The following FGGY variants were observed in gnomAD, a reference collection of about 807,000 sequenced individuals.
The protein encoded by FGGY is FGGY carbohydrate kinase domain-containing protein.
A neutral mutation model predicts 71.3 loss-of-function variants in FGGY; 72 were observed. That is an observed-to-expected ratio of 1.01 (90% CI 0.84 to 1.23). The LOEUF (loss-of-function observed/expected upper bound fraction) is 1.23, where lower values mean the gene tolerates loss of function less well. FGGY is among the 50% of genes most tolerant of loss of function. The pLI is 0.00. For missense variants in FGGY, 668 were observed against 682.3 expected, an observed-to-expected ratio of 0.98 and a Z score of 0.23; for synonymous variants, 251 against 250.3, an observed-to-expected ratio of 1.00 and a Z score of -0.02.
chr1:59,333,883 G>T (rs1310406124), intron 2 of FGGY, among the ~76,000 whole-genome samples: 1 of 152,140 alleles, frequency 6.6e-6, no homozygotes, highest in Non-Finnish European at 1.5e-5. Flanking sequence ...TGGTACTGTG[G>T]GTCAAGGTAC....
At chr1:59,725,149 A>G (rs1319647298) in intron 14 of FGGY, among the ~76,000 whole-genome samples, 2 of 152,172 alleles carry the variant, frequency 1.3e-5, no homozygotes, top group Admixed American at 6.5e-5. Flanking sequence ...GTCTAATGTC[A>G]CTGTCTAAAT....
chr1:59,663,621 T>C (rs1572850533), intron 12 of FGGY, among the ~76,000 whole-genome samples: 1 of 152,192 alleles, frequency 6.6e-6, no homozygotes, highest in African/African-American at 2.4e-5. Flanking sequence ...ATTTATTCTG[T>C]CCATTGTCTT....
chr1:59,621,336 C>A (rs1166068935), intron 9 of FGGY, among the ~76,000 whole-genome samples: 1 of 151,834 alleles, frequency 6.6e-6, no homozygotes, highest in Non-Finnish European at 1.5e-5. Flanking sequence ...GAGAAATAAA[C>A]CATAGTCTTT....
At chr1:59,608,989 A>C (rs1360673854) in intron 9 of FGGY, among the ~76,000 whole-genome samples, 1 of 152,238 alleles carries the variant, frequency 6.6e-6, no homozygotes, top group Non-Finnish European at 1.5e-5. Context: ...GTGCTGTAAC[A>C]GAAGTACACG....
At chr1:59,663,872 C>T (rs565152491) in intron 12 of FGGY, among the ~76,000 whole-genome samples, 11 of 152,210 alleles carry the variant, frequency 7.2e-5, no homozygotes, top group South Asian at 2.1e-4. Flanking sequence ...TGAATATTGC[C>T]GGAGCACTTA....
At chr1:59,370,306 G>A (rs1198794714) in intron 4 of FGGY, among the ~76,000 whole-genome samples, 1 of 152,270 alleles carries the variant, frequency 6.6e-6, no homozygotes, top group South Asian at 2.1e-4. Flanking sequence ...CTGGAAGAAA[G>A]CGATGGAAGA....
chr1:59,507,377 C>T (rs1161771520), intron 6 of FGGY, among the ~76,000 whole-genome samples: 2 of 152,216 alleles, frequency 1.3e-5, no homozygotes, highest in Non-Finnish European at 2.9e-5. Context: ...AAACGGACAC[C>T]TTTAAGTTAA....
chr1:59,697,445 C>T (rs187434863), intron 14 of FGGY, among the ~76,000 whole-genome samples: 1 of 152,280 alleles, frequency 6.6e-6, no homozygotes, highest in East Asian at 1.9e-4. Context: ...TGGAATCATA[C>T]AGCATTTGTC....
rs575276338 is a variant in FGGY at position 59,585,615 on chromosome 1, G to T, written c.904-22188G>T. ...CATTCAGGACATAGGCATGGGCAAG[G>T]ACTTCATGTCTAAAACACCAAAAGC... On this transcript the variant is annotated intron_variant, in intron 8 of 15. Coordinates refer to ENST00000303721, the MANE Select transcript of FGGY (RefSeq NM_018291.5). 8.5e-5 allele frequency among the ~76,000 whole-genome samples: 13 copies of T among 152,254 alleles called. No individual in the cohort carries two copies. In the South Asian group the frequency reaches 2.3e-3, roughly 27 times the overall value.
intron 11 of FGGY, among the ~76,000 whole-genome samples, chr1:59,646,403 T>TTA (rs1042622898): frequency 6.6e-6 from 1 of 151,492 alleles, no homozygotes; most frequent in African/African-American, 2.4e-5. Flanking sequence ...GGTTTTCTGA[T>TTA]TATATATATA....
intron 14 of FGGY, among the ~76,000 whole-genome samples, chr1:59,685,943 T>C (rs2097540722): frequency 6.6e-6 from 1 of 152,210 alleles, no homozygotes; most frequent in African/African-American, 2.4e-5. Context: ...CAAAGAATTA[T>C]ACCAATTCTT....
At chr1:59,313,305 A>G (rs1367126573) in intron 1 of FGGY, among the ~76,000 whole-genome samples, 1 of 152,184 alleles carries the variant, frequency 6.6e-6, no homozygotes, top group Non-Finnish European at 1.5e-5. Context: ...GGAGGACACA[A>G]GCATTCAGAC....
intron 1 of FGGY, among the ~76,000 whole-genome samples, chr1:59,310,791 T>C (rs2044178594): frequency 6.6e-6 from 1 of 152,238 alleles, no homozygotes; most frequent in Non-Finnish European, 1.5e-5. Context: ...AAGAGGAGCA[T>C]GGTGCTTCAG....
chr1:59,458,797 C>T (rs768052448), intron 6 of FGGY, among the ~76,000 whole-genome samples: 26 of 152,136 alleles, frequency 1.7e-4, no homozygotes, highest in African/African-American at 4.1e-4. Context: ...CTTTGATTTT[C>T]GCTTCTGGAC....
chr1:59,321,773 C>T lies in FGGY; in HGVS notation c.201+23C>T, dbSNP rs771796919. Reference sequence around the variant, plus strand: ...AAGGTATGGGCAAAACTGGTGTTCTCTCCTTGTTCATATTCCTACCTGCTG... The same window carrying T: ...AAGGTATGGGCAAAACTGGTGTTCTTTCCTTGTTCATATTCCTACCTGCTG... On this transcript the variant is annotated intron_variant, in intron 2 of 15. Transcript: ENST00000303721. 5.6e-6 allele frequency: 9 copies of T among 1,598,170 alleles called. No individual in the cohort carries two copies. The African/African-American group carries it at 1.2e-4, about 21-fold the overall frequency.
intron 6 of FGGY, among the ~76,000 whole-genome samples, chr1:59,472,969 A>C (rs886365670): frequency 5.3e-5 from 8 of 152,170 alleles, no homozygotes; most frequent in Non-Finnish European, 7.3e-5. Context: ...GGGATTGTAA[A>C]CGCACCAATC....
chr1:59,660,195 C>T, intron 11 of FGGY, 24 bp from the exon 12 acceptor site: 2 of 1,608,784 alleles, frequency 1.2e-6, no homozygotes, highest in Non-Finnish European at 1.7e-6. Flanking sequence ...CCATCTTCTT[C>T]TTTTCTTCCC....
At chr1:59,516,632 T>C (rs1025599582) in intron 7 of FGGY, among the ~76,000 whole-genome samples, 4 of 152,184 alleles carry the variant, frequency 2.6e-5, no homozygotes, top group African/African-American at 4.8e-5. Flanking sequence ...TGATTCTGTA[T>C]AGGTTGAGGT....
At chr1:59,646,446 T>G (rs1352202186) in intron 11 of FGGY, among the ~76,000 whole-genome samples, 1 of 151,284 alleles carries the variant, frequency 6.6e-6, no homozygotes, top group Non-Finnish European at 1.5e-5. Flanking sequence ...TTTTCCAAAT[T>G]GGTCACAAAT....
Sources: allele counts gnomAD v4.1 joint callset (sites outside exome capture counted in the v4.1 genomes callset), GRCh38; gene constraint gnomAD v4.1.1; transcripts MANE v1.5; gene names NCBI Gene and HGNC (gene_info 2026-07-23, HGNC 2026-07-21).